The following WWOX variants were observed in gnomAD, a reference collection of about 807,000 sequenced individuals.
WWOX encodes WW domain-containing oxidoreductase.
A neutral mutation model predicts 46.2 loss-of-function variants in WWOX; 69 were observed. That is an observed-to-expected ratio of 1.49 (90% CI 1.23 to 1.82). The LOEUF is 1.82. Ranked by LOEUF, WWOX falls within the 40% of genes most tolerant of loss-of-function variation. The pLI is 0.00. For missense variants in WWOX, 919 were observed against 542.6 expected, an observed-to-expected ratio of 1.69 and a Z score of -6.89; for synonymous variants, 359 against 202.6, an observed-to-expected ratio of 1.77 and a Z score of -6.56.
chr16:78,145,371 C>T (rs1222884303), intron 4 of WWOX, among the ~76,000 whole-genome samples: 1 of 152,120 alleles, frequency 6.6e-6, no homozygotes, highest in Non-Finnish European at 1.5e-5. Flanking sequence ...TGGTCAAAGG[C>T]CCCAAGAGCC....
chr16:78,132,059 C>CT (rs1218590731), intron 4 of WWOX, among the ~76,000 whole-genome samples: 3 of 140,960 alleles, frequency 2.1e-5, no homozygotes, highest in Non-Finnish European at 4.6e-5. Flanking sequence ...GAGTCTCACT[C>CT]TGTCGCCCAG....
intron 8 of WWOX, among the ~76,000 whole-genome samples, chr16:78,998,981 C>G (rs1452199490): frequency 6.6e-6 from 1 of 152,170 alleles, no homozygotes; most frequent in African/African-American, 2.4e-5. Context: ...CAGGAAAGTC[C>G]CAGATGTAAC....
intron 8 of WWOX, chr16:78,896,636 A>C (rs1252146445): frequency 6.6e-6 from 1 of 152,122 alleles, no homozygotes; most frequent in Non-Finnish European, 1.5e-5. Flanking sequence ...ATTAGTAAAC[A>C]TTTTCATAAA....
chr16:79,180,233 C>T (rs556118605), intron 8 of WWOX, among the ~76,000 whole-genome samples: 147 of 152,238 alleles, frequency 9.7e-4, no homozygotes, highest in Non-Finnish European at 1.8e-3. Flanking sequence ...AATTTATAGG[C>T]TGACATTTTC....
At chr16:78,101,059 T>G (rs1823008834) in intron 1 of WWOX, among the ~76,000 whole-genome samples, 1 of 151,978 alleles carries the variant, frequency 6.6e-6, no homozygotes, top group South Asian at 2.1e-4. Flanking sequence ...TTTTTTTTTT[T>G]TCTTTTGAGA....
intron 8 of WWOX, among the ~76,000 whole-genome samples, chr16:78,815,728 C>G (rs1290939746): frequency 1.3e-5 from 2 of 152,184 alleles, no homozygotes; most frequent in African/African-American, 4.8e-5. Flanking sequence ...AGCAAAAGAG[C>G]TTTAGAACTG....
intron 8 of WWOX, among the ~76,000 whole-genome samples, chr16:78,863,123 A>G (rs1046098858): frequency 1.3e-5 from 2 of 151,762 alleles, no homozygotes; most frequent in African/African-American, 2.4e-5. Flanking sequence ...AAGCCTGGCT[A>G]ATTTTTGTAT....
rs371661365 is a variant in WWOX, at chr16:78,809,312, GAAAAAAA to G, written c.1056+376571_1056+376577del. ...CCAAAGCAAAGCCAATAGAGATCTT[GAAAAAAA>G]AAAAAAAAAAGAAAAAACCACCGTG... On this transcript the variant is annotated intron_variant, in intron 8 of 8. Transcript: ENST00000566780. Among the ~76,000 whole-genome samples, 41 of 73,870 alleles carry G rather than the reference GAAAAAAA, an allele frequency of 5.6e-4. 1 individual carries two copies. The highest frequency in any genetic ancestry group is 5.4e-3 in the Admixed American group (34 of 6,278). The allele number at this position is 73,870 out of a possible 152,430, so 48.5% of individuals were successfully genotyped here.
At chr16:78,232,915 A>C (rs2037315071) in intron 5 of WWOX, among the ~76,000 whole-genome samples, 1 of 151,580 alleles carries the variant, frequency 6.6e-6, no homozygotes. Flanking sequence ...TATTTCGGCT[A>C]ACTGCAATCT....
chr16:78,453,590 T>A (rs1233629094), intron 8 of WWOX, among the ~76,000 whole-genome samples: 1 of 152,142 alleles, frequency 6.6e-6, no homozygotes, highest in African/African-American at 2.4e-5. Context: ...AAAATCTGTC[T>A]AGGGTAGGGA....
intron 8 of WWOX, among the ~76,000 whole-genome samples, chr16:78,916,974 C>CTTGGT (rs2045266426): frequency 1.3e-5 from 2 of 152,078 alleles, no homozygotes; most frequent in African/African-American, 4.8e-5. Flanking sequence ...CTTTTCATCC[C>CTTGGT]TTGGTTTTAT....
chr16:78,391,964 C>T (rs770619606), intron 6 of WWOX, among the ~76,000 whole-genome samples: 9 of 150,720 alleles, frequency 6.0e-5, no homozygotes, highest in Admixed American at 2.0e-4. Flanking sequence ...CAAATAAGGT[C>T]GATGCATTTT....
At chr16:79,085,048 C>G (rs1044432356) in intron 8 of WWOX, among the ~76,000 whole-genome samples, 3 of 152,148 alleles carry the variant, frequency 2.0e-5, no homozygotes, top group Admixed American at 6.5e-5. Flanking sequence ...GCCTCAGCCT[C>G]CCAAAGTGCT....
At chr16:79,200,936 CAG>C (rs2051336841) in intron 8 of WWOX, among the ~76,000 whole-genome samples, 1 of 152,168 alleles carries the variant, frequency 6.6e-6, no homozygotes, top group Admixed American at 6.5e-5. Context: ...TTGTGATAAT[CAG>C]AGTTATAGCT....
chr16:78,929,826 C>T (rs1383800865), intron 8 of WWOX, among the ~76,000 whole-genome samples: 1 of 152,208 alleles, frequency 6.6e-6, no homozygotes, highest in Non-Finnish European at 1.5e-5. Context: ...GACTGGGTTT[C>T]AGGTGCAGGA....
chr16:78,459,097 A>C (rs1218804775), intron 8 of WWOX, among the ~76,000 whole-genome samples: 2 of 152,202 alleles, frequency 1.3e-5, no homozygotes, highest in East Asian at 1.9e-4. Context: ...ACTGATCCGC[A>C]AGGGCCTTCT....
chr16:78,613,660 G>T (rs2045952740), intron 8 of WWOX, among the ~76,000 whole-genome samples: 1 of 152,188 alleles, frequency 6.6e-6, no homozygotes, highest in Admixed American at 6.5e-5. Context: ...AGAGATGGCT[G>T]CAGAATACCT....
intron 8 of WWOX, among the ~76,000 whole-genome samples, chr16:78,816,290 T>G (rs1327249892): frequency 6.6e-6 from 1 of 152,158 alleles, no homozygotes; most frequent in African/African-American, 2.4e-5. Flanking sequence ...CCCAAAGAAG[T>G]AAAACTCTGT....
chr16:78,765,664 G>C (rs773183474), intron 8 of WWOX, among the ~76,000 whole-genome samples: 5 of 152,090 alleles, frequency 3.3e-5, no homozygotes, highest in African/African-American at 1.2e-4. Context: ...GGGAAACAGA[G>C]TGAGACTCTG....
Sources: allele counts gnomAD v4.1 joint callset (sites outside exome capture counted in the v4.1 genomes callset), GRCh38; gene constraint gnomAD v4.1.1; transcripts MANE v1.5; gene names NCBI Gene and HGNC (gene_info 2026-07-23, HGNC 2026-07-21).